The following SLC24A2 variants were observed in gnomAD, a reference collection of about 807,000 sequenced individuals.
SLC24A2 encodes the protein solute carrier family 24 member 2, also known as sodium/potassium/calcium exchanger 2.
SLC24A2 carries 36 observed loss-of-function variants against 62.0 expected under a neutral mutation model. The observed-to-expected ratio is 0.58, with a 90% CI of 0.44 to 0.77. The LOEUF is 0.77. Among genes scored for constraint, SLC24A2 ranks in the 30% least tolerant of loss-of-function variants. The pLI is 0.00. For missense variants in SLC24A2, 846 were observed against 817.9 expected, an observed-to-expected ratio of 1.03 and a Z score of -0.42; for synonymous variants, 358 against 294.0, an observed-to-expected ratio of 1.22 and a Z score of -2.23.
the SLC24A2 span, among the ~76,000 whole-genome samples, chr9:20,294,677 T>C: frequency 4.9e-4 from 75 of 152,290 alleles, 1 homozygote; most frequent in South Asian, 0.011. Flanking sequence ...AAACCAGTAC[T>C]AATTGAAAAT....
chr9:19,892,868 C>T, the SLC24A2 span, among the ~76,000 whole-genome samples: 1 of 152,180 alleles, frequency 6.6e-6, no homozygotes, highest in Admixed American at 6.5e-5. Context: ...TGTACCCACC[C>T]AGGTGCTTCT....
chr9:19,990,783 G>A, the SLC24A2 span, among the ~76,000 whole-genome samples: 8 of 149,676 alleles, frequency 5.3e-5, no homozygotes, highest in Admixed American at 6.6e-5. Context: ...ATAAGTCATC[G>A]CTTTATCCAG....
chr9:19,842,965 A>AT, the SLC24A2 span, among the ~76,000 whole-genome samples: 1 of 152,130 alleles, frequency 6.6e-6, no homozygotes, highest in South Asian at 2.1e-4. Flanking sequence ...CAATGTTTAG[A>AT]TTTTATATCC....
chr9:20,252,834 C>T, the SLC24A2 span, among the ~76,000 whole-genome samples: 1 of 152,210 alleles, frequency 6.6e-6, no homozygotes, highest in Non-Finnish European at 1.5e-5. Flanking sequence ...ACTCTAGGAC[C>T]CCTTCTGGTA....
the SLC24A2 span, among the ~76,000 whole-genome samples, chr9:19,900,319 A>G: frequency 1.3e-5 from 2 of 152,256 alleles, no homozygotes; most frequent in Non-Finnish European, 2.9e-5. Flanking sequence ...TCACTGCGGA[A>G]AATTACCCAA....
chr9:19,676,310 G>A (rs1039356905), intron 2 of SLC24A2, among the ~76,000 whole-genome samples: 1 of 152,308 alleles, frequency 6.6e-6, no homozygotes, highest in Non-Finnish European at 1.5e-5. Flanking sequence ...TCCTGCAGTA[G>A]TTCTTGGAGC....
the SLC24A2 span, among the ~76,000 whole-genome samples, chr9:20,132,073 T>C: frequency 6.6e-6 from 1 of 152,116 alleles, no homozygotes; most frequent in African/African-American, 2.4e-5. Context: ...TTTTTTCTGA[T>C]AGTAACACTG....
chr9:20,103,593 T>C, the SLC24A2 span, among the ~76,000 whole-genome samples: 1 of 152,210 alleles, frequency 6.6e-6, no homozygotes, highest in African/African-American at 2.4e-5. Context: ...AAACAGGGTC[T>C]GGAGTGGACC....
At chr9:20,253,013 C>G in the SLC24A2 span, among the ~76,000 whole-genome samples, 1 of 152,298 alleles carries the variant, frequency 6.6e-6, no homozygotes, top group African/African-American at 2.4e-5. Context: ...CTCTTCCTTT[C>G]TAGGGAAGAA....
chr9:19,652,176 C>G (rs1476571823), intron 2 of SLC24A2, among the ~76,000 whole-genome samples: 1 of 152,152 alleles, frequency 6.6e-6, no homozygotes, highest in Admixed American at 6.6e-5. Context: ...TCTCATGTTT[C>G]ATCAGTTTTG....
chr9:20,108,537 T>C, the SLC24A2 span, among the ~76,000 whole-genome samples: 3 of 152,344 alleles, frequency 2.0e-5, no homozygotes, highest in African/African-American at 7.2e-5. Context: ...GATGAGTTCA[T>C]GTCCTTTGTA....
chr9:19,681,311 C>T (rs1298046944), intron 2 of SLC24A2, among the ~76,000 whole-genome samples: 1 of 102,194 alleles, frequency 9.8e-6, no homozygotes, highest in Non-Finnish European at 2.5e-5. Flanking sequence ...TATCACCTTT[C>T]TCAGGAAGGC....
the SLC24A2 span, among the ~76,000 whole-genome samples, chr9:19,948,862 A>G: frequency 7.0e-5 from 10 of 143,656 alleles, no homozygotes; most frequent in South Asian, 2.1e-4. Flanking sequence ...AAAAAAAAAA[A>G]AAAATGAAAA....
chr9:19,955,387 T>TG, the SLC24A2 span, among the ~76,000 whole-genome samples: 61 of 151,786 alleles, frequency 4.0e-4, 1 homozygote, highest in East Asian at 1.2e-3. Context: ...GTTTTTTTTT[T>TG]TTTTGTTTTC....
chr9:19,714,504 A>G (rs1396542038), intron 2 of SLC24A2, among the ~76,000 whole-genome samples: 1 of 152,246 alleles, frequency 6.6e-6, no homozygotes, highest in African/African-American at 2.4e-5. Flanking sequence ...TCAACTTTTC[A>G]GTAGTCCTCT....
the SLC24A2 span, among the ~76,000 whole-genome samples, chr9:20,169,246 A>C: frequency 6.6e-5 from 10 of 151,962 alleles, no homozygotes; most frequent in Non-Finnish European, 1.3e-4. Context: ...ATCATGAAAA[A>C]GTTTGGAGTA....
At chr9:19,566,625 G>C (rs1331599253) in intron 7 of SLC24A2, among the ~76,000 whole-genome samples, 7 of 152,114 alleles carry the variant, frequency 4.6e-5, no homozygotes, top group Non-Finnish European at 2.9e-5. Flanking sequence ...TATGCCCAAA[G>C]GATTATAAAT....
chr9:20,240,834 A>G, the SLC24A2 span, among the ~76,000 whole-genome samples: 8 of 152,172 alleles, frequency 5.3e-5, no homozygotes, highest in Non-Finnish European at 1.0e-4. Context: ...CAATGTGACC[A>G]TAATACTTTC....
chr9:20,163,641 C>A, the SLC24A2 span, among the ~76,000 whole-genome samples: 1 of 152,088 alleles, frequency 6.6e-6, no homozygotes, highest in Admixed American at 6.6e-5. Flanking sequence ...CTTTAAAGTT[C>A]ATATGGAACC....
Sources: allele counts gnomAD v4.1 joint callset (sites outside exome capture counted in the v4.1 genomes callset), GRCh38; gene constraint gnomAD v4.1.1; transcripts MANE v1.5; gene names NCBI Gene and HGNC (gene_info 2026-07-23, HGNC 2026-07-21).